FZD6: variants seen among roughly 807,000 people sequenced by gnomAD.
FZD6 encodes the protein frizzled-6.
FZD6 carries 49 observed loss-of-function variants against 61.4 expected under a neutral mutation model. The ratio of observed to expected loss-of-function variants is 0.80; its 90% CI spans 0.63 to 1.01. FZD6 has a LOEUF of 1.01. Ranked by LOEUF, FZD6 falls within the 50% of genes least tolerant of loss-of-function variation. The pLI, the probability that FZD6 is intolerant of heterozygous loss-of-function variation, is 0.00. For missense variants in FZD6, 724 were observed against 848.2 expected, an observed-to-expected ratio of 0.85 and a Z score of 1.82; for synonymous variants, 265 against 292.2, an observed-to-expected ratio of 0.91 and a Z score of 0.95.
chr8:103,330,164 T>G (rs2130347392), intron 6 of FZD6, 99 bp downstream of exon 6: 1 of 1,102,402 alleles, frequency 9.1e-7, no homozygotes. Flanking sequence ...TTGTGATATA[T>G]TATGTCTGTA....
At chr8:103,327,899 G>A (rs772343925) in intron 4 of FZD6, among the ~76,000 whole-genome samples, 2 of 152,024 alleles carry the variant, frequency 1.3e-5, no homozygotes, top group Non-Finnish European at 2.9e-5. Flanking sequence ...GAGTTTAAAT[G>A]TATTTTTGTG....
At position 103,325,078 on chromosome 8, in the gene FZD6, A is replaced by G; in HGVS notation, c.972A>G (p.Ala324=). ...GTTGTGAAGCCATCGAGCAAAAAGC[A>G]GTGTGGTTTCATGCTGTTGCATGGG... ...KWSCEAIEQK[A]VWFHAVAWGT... The change falls in exon 4 of 7, where the codon GCA becomes GCG. Residue 324 remains alanine (A), a synonymous_variant. Coordinates refer to ENST00000358755, the MANE Select transcript of FZD6 (RefSeq NM_003506.4). 6.2e-7 allele frequency: 1 copy of G among 1,614,196 alleles called. No homozygotes were observed.
rs201910779 is a variant in FZD6, at chr8:103,329,922, C to T, written c.1809C>T (p.Asp603=). ...PETSMREVKA[D]GASTPRLREQ... is the part of the protein sequence containing the mutation. Reference sequence around the variant, plus strand: ...CATCAATGAGAGAGGTGAAAGCGGACGGAGCTAGCACCCCCAGGTTAAGAG... The same window carrying T: ...CATCAATGAGAGAGGTGAAAGCGGATGGAGCTAGCACCCCCAGGTTAAGAG... Residue 603 remains aspartate, a synonymous_variant, in exon 6 of 7, where the codon GAC becomes GAT. Coordinates refer to ENST00000358755, the MANE Select transcript of FZD6 (RefSeq NM_003506.4). The T allele has an allele frequency of 9.7e-5, 157 of 1,614,010 alleles. No homozygotes were observed. The highest frequency in any genetic ancestry group is 1.6e-4 in the Middle Eastern group (1 of 6,084).
rs1815022015 is a variant in FZD6, at chr8:103,328,508, A to G, written c.1541+92A>G. ...CAAATCAATGTACTAGAGTTTCATT[A>G]TATCAACTATTATTTCAATTTGATT... On this transcript the variant is annotated intron_variant, in intron 5 of 6. Transcript: ENST00000358755. 1.5e-5 allele frequency: 15 copies of G among 986,704 alleles called. 1 individual carries two copies. In the South Asian group the frequency reaches 1.9e-4, roughly 12 times the overall value. 61.1% of individuals were successfully genotyped at this position (986,704 alleles called of 1,614,324 possible).
intron 2 of FZD6, among the ~76,000 whole-genome samples, chr8:103,311,112 C>A (rs1384395756): frequency 6.6e-6 from 1 of 152,156 alleles, no homozygotes; most frequent in Non-Finnish European, 1.5e-5. Flanking sequence ...GGAACTGGGG[C>A]ATAGCTAAGG....
At chr8:103,321,505 C>G (rs1008240907) in intron 3 of FZD6, among the ~76,000 whole-genome samples, 4 of 152,162 alleles carry the variant, frequency 2.6e-5, no homozygotes, top group Admixed American at 1.3e-4. Flanking sequence ...AACACAAAAT[C>G]TAGCTCATTG....
intron 4 of FZD6, among the ~76,000 whole-genome samples, chr8:103,325,835 A>G (rs1385877473): frequency 6.6e-6 from 1 of 152,154 alleles, no homozygotes; most frequent in Admixed American, 6.6e-5. Context: ...ATTGGCAATT[A>G]TTTTTAATTT....
At chr8:103,311,213 G>A (rs1814487672) in intron 2 of FZD6, among the ~76,000 whole-genome samples, 1 of 152,122 alleles carries the variant, frequency 6.6e-6, no homozygotes, top group African/African-American at 2.4e-5. Context: ...CCACTGCAAG[G>A]ATTACTGATC....
chr8:103,320,753 C>G lies in FZD6; in HGVS notation c.374+1967C>G, dbSNP rs528629347. 7.2e-5 allele frequency among the ~76,000 whole-genome samples: 11 copies of G among 151,780 alleles called. No individual in the cohort carries two copies. In the South Asian group the frequency reaches 2.1e-3, roughly 29 times the overall value. ...TGACTTTGATTACAGGTGGCCACTG[C>G]GGGTTAGGGATAGTCATTGGAGATG... On this transcript the variant is annotated intron_variant, in intron 3 of 6. Coordinates refer to ENST00000358755, the MANE Select transcript of FZD6 (RefSeq NM_003506.4).
intron 2 of FZD6, among the ~76,000 whole-genome samples, chr8:103,310,437 A>AT (rs1007684577): frequency 3.3e-5 from 5 of 150,874 alleles, no homozygotes; most frequent in South Asian, 4.2e-4. Context: ...ACAACCTGCT[A>AT]TTTTTTTTTA....
At position 103,325,511 on chromosome 8, in the gene FZD6, A is replaced by G. The variant is rs1419491849; in HGVS notation, c.1392+13A>G. Reference sequence around the variant, plus strand: ...ATGTCCTTATCAGGTAAAAGCTATCACTTGGATTATGTCTCTATTTACATT... The same window carrying G: ...ATGTCCTTATCAGGTAAAAGCTATCGCTTGGATTATGTCTCTATTTACATT... On this transcript the variant is annotated intron_variant, in intron 4 of 6. Coordinates refer to ENST00000358755, the MANE Select transcript of FZD6 (RefSeq NM_003506.4). 1 of 1,577,288 alleles carries G rather than the reference A, an allele frequency of 6.3e-7. No individual in the cohort carries two copies. Among genetic ancestry groups the G allele is most frequent in the Non-Finnish European group, 8.7e-7 (1 of 1,146,776 alleles).
At chr8:103,304,814 CTGAGT>C (rs1814283912) in intron 2 of FZD6, among the ~76,000 whole-genome samples, 1 of 152,204 alleles carries the variant, frequency 6.6e-6, no homozygotes, top group African/African-American at 2.4e-5. Context: ...AATACATTAA[CTGAGT>C]TATTTGTTAC....
chr8:103,316,627 TGGATCTA>T (rs1172340163), intron 2 of FZD6, among the ~76,000 whole-genome samples: 1 of 152,248 alleles, frequency 6.6e-6, no homozygotes, highest in Non-Finnish European at 1.5e-5. Context: ...AATGTTTGGG[TGGATCTA>T]GAATTCTAGG....
rs1377514935 is a variant in FZD6 at position 103,332,529 on chromosome 8, A to T, written c.*1020A>T. On this transcript the variant is annotated 3_prime_UTR_variant, in exon 7 of 7. Transcript: ENST00000358755. ...CTGAACATTAAAAAGTGTGATAGCG[A>T]TATTAGTGCCAATCAAATGGAAAAA... is the stretch of plus-strand genomic sequence containing the variant. 6.6e-6 allele frequency: 1 copy of T among 152,320 alleles called. No homozygotes were observed. The highest frequency in any genetic ancestry group is 1.5e-5 in the Non-Finnish European group (1 of 68,024). The allele number at this position is 152,320 out of a possible 1,614,324, so 9.4% of individuals were successfully genotyped here. A position where few individuals can be genotyped will look rare whatever the true frequency, so the allele number is the denominator to read the frequency against.
In FZD6 at chr8:103,329,978, C is replaced by T; in HGVS notation, c.1865C>T (p.Ala622Val). 1 of 1,613,974 alleles carries T rather than the reference C, an allele frequency of 6.2e-7. No individual in the cohort carries two copies. Among genetic ancestry groups the T allele is most frequent in the Non-Finnish European group, 8.5e-7 (1 of 1,179,810 alleles). Residue 622 changes from alanine to valine, a missense_variant, in exon 6 of 7, where the codon GCA becomes GTA. Physicochemically the swap from Ala to Val is moderately conservative, Grantham distance 64. Coordinates refer to ENST00000358755, the MANE Select transcript of FZD6 (RefSeq NM_003506.4). The part of the protein sequence containing the change: ...EQDCGEPASP[A>V]ASISRLSGEQ... Reference sequence around the variant, plus strand: ...GACTGTGGTGAACCTGCCTCGCCAGCAGCATCCATCTCCAGACTCTCTGGG... The same window carrying T: ...GACTGTGGTGAACCTGCCTCGCCAGTAGCATCCATCTCCAGACTCTCTGGG...
chr8:103,330,198 T>C (rs1454168176), intron 6 of FZD6, 133 bp downstream of exon 6: 1 of 800,324 alleles, frequency 1.2e-6, no homozygotes, highest in African/African-American at 1.7e-5. Flanking sequence ...GAAGTTTGGG[T>C]TCAGCCTATA....
Position 103,318,667 on chromosome 8 carries a change from C to A in FZD6, c.255C>A (p.Cys85Ter). 1.2e-6 allele frequency: 2 copies of A among 1,605,908 alleles called. No homozygotes were observed. The highest frequency in any genetic ancestry group is 1.7e-6 in the Non-Finnish European group (2 of 1,172,522). Reference sequence around the variant, plus strand: ...TCTGCAAAGCATTTGTACCAACCTGCATAGAACAAATTCATGTGGTTCCAC... The same window carrying A: ...TCTGCAAAGCATTTGTACCAACCTGAATAGAACAAATTCATGTGGTTCCAC... ...TFLCKAFVPTCIEQIHVVPPC... is the reference protein window; with the variant it reads ...TFLCKAFVPT Residue 85 changes from cysteine to a stop codon, truncating the protein, a stop_gained, in exon 3 of 7, where the codon TGC (cysteine) becomes TGA (stop). Transcript: ENST00000358755. LOFTEE classifies it high-confidence loss of function.
chr8:103,314,986 A>C (rs543743277), intron 2 of FZD6, among the ~76,000 whole-genome samples: 4 of 152,308 alleles, frequency 2.6e-5, no homozygotes, highest in Non-Finnish European at 4.4e-5. Context: ...AGTTGGCCAT[A>C]CTGATGAAAG....
At chr8:103,309,645 T>A (rs1310046498) in intron 2 of FZD6, among the ~76,000 whole-genome samples, 1 of 152,208 alleles carries the variant, frequency 6.6e-6, no homozygotes, top group African/African-American at 2.4e-5. Flanking sequence ...ATTGTGTTTT[T>A]GCTAAATACA....
Sources: allele counts gnomAD v4.1 joint callset (sites outside exome capture counted in the v4.1 genomes callset), GRCh38; gene constraint gnomAD v4.1.1; transcripts MANE v1.5; gene names NCBI Gene and HGNC (gene_info 2026-07-23, HGNC 2026-07-21).